FAM114A2: variants seen among roughly 807,000 people sequenced by gnomAD.
The protein encoded by FAM114A2 is protein FAM114A2.
Under a neutral mutation model 58.4 loss-of-function variants are expected in FAM114A2, and 53 were observed. The ratio of observed to expected loss-of-function variants is 0.91; its 90% CI spans 0.73 to 1.14. The LOEUF is 1.14. FAM114A2 is among the 50% of genes most tolerant of loss of function. FAM114A2 has a pLI of 0.00. For missense variants in FAM114A2, 601 were observed against 581.1 expected (o/e 1.03, Z -0.35); for synonymous variants, 228 against 211.4 (o/e 1.08, Z -0.68).
At chr5:154,032,300 CCT>C (rs1772256190) in intron 4 of FAM114A2, among the ~76,000 whole-genome samples, 1 of 152,182 alleles carries the variant, frequency 6.6e-6, no homozygotes, top group Admixed American at 6.5e-5. Context: ...GCAAAATAAA[CCT>C]CTAACTTGAT....
chr5:154,013,274 T>C (rs1175660054), intron 8 of FAM114A2, among the ~76,000 whole-genome samples: 2 of 152,312 alleles, frequency 1.3e-5, no homozygotes, highest in East Asian at 3.9e-4. Flanking sequence ...AGACTCCTTC[T>C]GAAAAAAGGA....
chr5:154,025,030 T>C (rs1771683949), intron 8 of FAM114A2, among the ~76,000 whole-genome samples: 1 of 152,186 alleles, frequency 6.6e-6, no homozygotes, highest in Non-Finnish European at 1.5e-5. Context: ...ACTTCATTCA[T>C]TTTCAGGAAA....
intron 5 of FAM114A2, among the ~76,000 whole-genome samples, chr5:154,028,546 G>T (rs1479189384): frequency 6.6e-6 from 1 of 152,078 alleles, no homozygotes; most frequent in Non-Finnish European, 1.5e-5. Flanking sequence ...AAGTACAGAG[G>T]TTCATCAGAA....
In FAM114A2 at chr5:153,993,104, T is replaced by C. The variant is rs1349541017; in HGVS notation, c.1390A>G (p.Asn464Asp). ...GCGTCCTGGATGTAGGAGGCACTGT[T>C]TGATGCCTGCCAGGATTGAAAAAAC... Reference protein sequence around the residue: ...LITAVFLEASNSASYIQDAFQ... With the variant: ...LITAVFLEASDSASYIQDAFQ... The change falls in exon 14 of 14, where the codon AAC (asparagine) becomes GAC (aspartate). Residue 464 changes from asparagine to aspartate, a missense_variant. Asn to Asp is a conservative substitution (Grantham distance 23). Coordinates refer to ENST00000351797, the MANE Select transcript of FAM114A2 (RefSeq NM_018691.4). 9.3e-6 allele frequency: 15 copies of C among 1,606,946 alleles called. No homozygotes were observed. The highest frequency in any genetic ancestry group is 1.7e-5 in the Admixed American group (1 of 59,230).
At chr5:154,038,460 G>A (rs773371210) in intron 1 of FAM114A2, 9 of 152,226 alleles carry the variant, frequency 5.9e-5, no homozygotes, top group Non-Finnish European at 1.2e-4. Flanking sequence ...GACGCGATAT[G>A]TGAGGGGCTT....
chr5:153,996,593 A>G (rs1477084916), intron 12 of FAM114A2, among the ~76,000 whole-genome samples: 1 of 151,966 alleles, frequency 6.6e-6, no homozygotes, highest in Non-Finnish European at 1.5e-5. Flanking sequence ...AAAATCTCCT[A>G]CAAGTAATAA....
intron 1 of FAM114A2, chr5:154,036,289 T>C (rs1379944132): frequency 6.6e-6 from 1 of 152,216 alleles, no homozygotes; most frequent in Non-Finnish European, 1.5e-5. Context: ...AGATTGGCTT[T>C]ATGTCAGATC....
chr5:154,020,801 T>C (rs1008587536), intron 8 of FAM114A2, among the ~76,000 whole-genome samples: 1 of 151,986 alleles, frequency 6.6e-6, no homozygotes, highest in African/African-American at 2.4e-5. Flanking sequence ...TTTTATGAGG[T>C]CAGCATCATC....
chr5:154,018,358 A>G (rs1771184620), intron 8 of FAM114A2, among the ~76,000 whole-genome samples: 1 of 152,194 alleles, frequency 6.6e-6, no homozygotes, highest in African/African-American at 2.4e-5. Flanking sequence ...AGCTTAAATC[A>G]GGAAGAATTA....
Position 153,991,692 on chromosome 5 carries a change from A to ATTTTTTTTTTT in FAM114A2, c.*1273_*1283dup, listed in dbSNP as rs58561538. On this transcript the variant is annotated 3_prime_UTR_variant, in exon 14 of 14. Coordinates refer to ENST00000351797, the MANE Select transcript of FAM114A2 (RefSeq NM_018691.4). ...ATCTATGTTATGGCTTTGCTTTGCT[A>ATTTTTTTTTTT]TTTTTTTTTTTTTTTTTTGGTCTAA... 1.5e-5 allele frequency: 2 copies of ATTTTTTTTTTT among 129,134 alleles called. No individual in the cohort carries two copies. The highest frequency in any genetic ancestry group is 2.8e-5 in the African/African-American group (1 of 35,274). 8.0% of individuals were successfully genotyped at this position (129,134 alleles called of 1,614,324 possible). A position where few individuals can be genotyped will look rare whatever the true frequency, so the allele number is the denominator to read the frequency against.
At chr5:154,002,109 C>T (rs1229759149) in intron 11 of FAM114A2, 142 bp downstream of exon 11, 2 of 676,900 alleles carry the variant, frequency 3.0e-6, no homozygotes, top group Non-Finnish European at 4.9e-6. Flanking sequence ...AAGAAAAAAA[C>T]AACCAAAATG....
chr5:154,017,451 T>A (rs1273275160), intron 8 of FAM114A2, among the ~76,000 whole-genome samples: 1 of 151,662 alleles, frequency 6.6e-6, no homozygotes, highest in Non-Finnish European at 1.5e-5. Flanking sequence ...TCAAAAAAAA[T>A]AAATAAATAA....
chr5:154,036,382 G>C (rs528131834), intron 1 of FAM114A2: 1 of 152,258 alleles, frequency 6.6e-6, no homozygotes, highest in African/African-American at 2.4e-5. Flanking sequence ...TACTATTGGT[G>C]TCTCTACAAA....
chr5:154,034,010 T>C (rs1460687326), intron 3 of FAM114A2, 127 bp from the exon 4 acceptor site: 2 of 683,134 alleles, frequency 2.9e-6, no homozygotes, highest in African/African-American at 3.7e-5. Context: ...ACATAACTAA[T>C]CTTGGCACTA....
chr5:154,020,806 A>T (rs979280521), intron 8 of FAM114A2, among the ~76,000 whole-genome samples: 2 of 152,218 alleles, frequency 1.3e-5, no homozygotes, highest in Admixed American at 6.5e-5. Flanking sequence ...TGAGGTCAGC[A>T]TCATCCTGAT....
At chr5:153,999,000 G>GT (rs2113203521) in intron 11 of FAM114A2, among the ~76,000 whole-genome samples, 1 of 152,322 alleles carries the variant, frequency 6.6e-6, no homozygotes, top group Non-Finnish European at 1.5e-5. Flanking sequence ...CCGTAAAACT[G>GT]TGAGAAGGAG....
At chr5:154,029,449 T>A in intron 5 of FAM114A2, 40 bp downstream of exon 5, 1 of 1,076,168 alleles carries the variant, frequency 9.3e-7, no homozygotes, top group Non-Finnish European at 1.4e-6. Context: ...CCCATTATAA[T>A]AATGGAAAGG....
In FAM114A2 at chr5:154,011,276, G is replaced by T. The variant is rs367615395; in HGVS notation, c.958C>A (p.Leu320Met). The T allele has an allele frequency of 1.2e-6, 2 of 1,612,464 alleles. No individual in the cohort carries two copies. Among genetic ancestry groups the T allele is most frequent in the Non-Finnish European group, 8.5e-7 (1 of 1,179,122 alleles). The change falls in exon 9 of 14, where the codon CTG becomes ATG. Residue 320 changes from leucine (L) to methionine (M), a missense_variant. By Grantham distance (15) the Leu-to-Met change is conservative. Transcript: ENST00000351797. Reference protein sequence around the residue: ...TKDITELFSQLHVSSKPEKLA... With the variant: ...TKDITELFSQMHVSSKPEKLA... ...TTCTCTGGTTTGGAGGAAACGTGCAGCTGGGAAAACAGCTCTGTTATGTCC... is the reference window on the plus strand; with the variant it reads ...TTCTCTGGTTTGGAGGAAACGTGCATCTGGGAAAACAGCTCTGTTATGTCC...
At chr5:154,001,752 C>T (rs1477224257) in intron 11 of FAM114A2, among the ~76,000 whole-genome samples, 2 of 152,160 alleles carry the variant, frequency 1.3e-5, no homozygotes, top group Non-Finnish European at 2.9e-5. Flanking sequence ...TCAGGACACT[C>T]AGTCAGACCT....
Sources: gnomAD v4.1 joint callset for allele counts (sites outside exome capture counted in the v4.1 genomes callset) on GRCh38, gnomAD v4.1.1 for gene constraint, MANE v1.5 for transcripts, NCBI Gene and HGNC (gene_info 2026-07-23, HGNC 2026-07-21) for gene names.